XPO6: variants seen among roughly 807,000 people sequenced by gnomAD.
The protein encoded by XPO6 is exportin 6, also known as exportin-6.
In XPO6, 3 loss-of-function variants were observed where a neutral mutation model predicts 130.0. The ratio of observed to expected loss-of-function variants is 0.02; its 90% CI spans 0.01 to 0.06. The LOEUF is 0.06. Among genes scored for constraint, XPO6 ranks in the 10% least tolerant of loss-of-function variants. The probability of loss-of-function intolerance (pLI) is 1.00; values close to 1 mark genes in which losing one functional copy is unlikely to be tolerated. For synonymous variants in XPO6, 524 were observed against 548.9 expected (o/e 0.95, Z 0.63); for missense variants, 970 against 1,393.0 (o/e 0.70, Z 4.83).
Position 28,101,089 on chromosome 16 carries a change from G to C in XPO6, c.3276+369C>G, listed in dbSNP as rs528301520. ...TCCCAAGCACCAACCATCTCAGCCT[G>C]AATGCAAGCCTGGGCACACTCCAAT... On this transcript the variant is annotated intron_variant, in intron 23 of 23. Transcript: ENST00000304658. The surrounding 1 kb of genome is among the most constrained non-coding windows in gnomAD (Gnocchi z 5.4). The C allele has an allele frequency of 5.8e-6, 2 of 343,780 alleles. No homozygotes were observed. The highest frequency in any genetic ancestry group is 4.2e-5 in the African/African-American group (2 of 47,106). The allele number at this position is 343,780 out of a possible 1,614,324, so 21.3% of individuals were successfully genotyped here.
At chr16:28,115,836 G>A (rs924059141) in intron 15 of XPO6, among the ~76,000 whole-genome samples, 3 of 152,224 alleles carry the variant, frequency 2.0e-5, no homozygotes, top group Admixed American at 6.5e-5. Context: ...TGGAGAACTT[G>A]CTGCAGCTTC....
Position 28,098,642 on chromosome 16 carries a change from G to A in XPO6, c.3277-3C>T, listed in dbSNP as rs2086585509. 1 of 1,606,962 alleles carries A rather than the reference G, an allele frequency of 6.2e-7. No homozygotes were observed. The highest frequency in any genetic ancestry group is 8.5e-7 in the Non-Finnish European group (1 of 1,175,306). On this transcript the variant is annotated splice_polypyrimidine_tract_variant and splice_region_variant and intron_variant, in intron 23 of 23. Transcript: ENST00000304658. ...TTCTGGGTGAATGAGGGCAGGTCCT[G>A]GAAGGCAGGGGCATAGCTGCAGCCA...
At chr16:28,105,078 T>C (rs1268722230) in intron 20 of XPO6, among the ~76,000 whole-genome samples, 1 of 152,234 alleles carries the variant, frequency 6.6e-6, no homozygotes, top group Non-Finnish European at 1.5e-5. Flanking sequence ...TCCTGTTCTA[T>C]TCGACCTGTC....
intron 8 of XPO6, among the ~76,000 whole-genome samples, chr16:28,150,253 G>A (rs1012840871): frequency 6.6e-6 from 1 of 152,186 alleles, no homozygotes; most frequent in Admixed American, 6.5e-5. Flanking sequence ...AGAGCAGAAA[G>A]GAGCTCATCT....
intron 14 of XPO6, among the ~76,000 whole-genome samples, chr16:28,117,754 G>A (rs2087106474): frequency 2.6e-5 from 4 of 152,162 alleles, no homozygotes; most frequent in African/African-American, 9.7e-5. Flanking sequence ...AATTATAAAA[G>A]CAAAATCAAA....
At chr16:28,155,532 A>G (rs2043170416) in intron 7 of XPO6, 1 of 152,960 alleles carries the variant, frequency 6.5e-6, no homozygotes, top group Non-Finnish European at 1.5e-5. Context: ...TGTGTGCTAC[A>G]TTAACCTGTG....
intron 4 of XPO6, among the ~76,000 whole-genome samples, chr16:28,174,479 C>A (rs74014237): frequency 0.054 from 8,255 of 152,216 alleles, 571 homozygotes; most frequent in East Asian, 0.17. Flanking sequence ...TCCAGGAAGG[C>A]AGGGACTTGG....
At chr16:28,120,173 AAAT>A (rs57216440) in intron 14 of XPO6, among the ~76,000 whole-genome samples, 110 of 152,230 alleles carry the variant, frequency 7.2e-4, no homozygotes, top group African/African-American at 2.3e-3. Flanking sequence ...TGGCTCAGCA[AAAT>A]AATAATAATA....
rs1165812385 is a variant in XPO6 at position 28,106,460 on chromosome 16, C to G, written c.2535G>C (p.Leu845=). 6.2e-7 allele frequency: 1 copy of G among 1,614,224 alleles called. No individual in the cohort carries two copies. The highest frequency in any genetic ancestry group is 2.2e-5 in the East Asian group (1 of 44,888). ...CCATCTGTACTCTAAGGCCTCGAAA[C>G]AGAGTGAGGAAGAAGCTCAGCATCT... The part of the protein sequence containing the change: ...TDEMLSFFLT[L]FRGLRVQMGV... The change falls in exon 19 of 24, where the codon CTG becomes CTC. Residue 845 remains leucine (L), a synonymous_variant. Coordinates refer to ENST00000304658, the MANE Select transcript of XPO6 (RefSeq NM_015171.4). The surrounding 1 kb of genome is among the most constrained non-coding windows in gnomAD (Gnocchi z 4.2).
At chr16:28,188,648 C>T (rs1004349193) in intron 1 of XPO6, among the ~76,000 whole-genome samples, 8 of 135,180 alleles carry the variant, frequency 5.9e-5, no homozygotes, top group African/African-American at 2.2e-4. Flanking sequence ...ATCACTCTCA[C>T]TTCCCTACAC....
intron 9 of XPO6, 61 bp from the exon 10 acceptor site, chr16:28,135,385 G>A (rs1596849079): frequency 7.4e-7 from 1 of 1,349,822 alleles, no homozygotes; most frequent in Non-Finnish European, 1.1e-6. Flanking sequence ...TTTGGAAAAT[G>A]CCTCCTGCAC....
chr16:28,153,638 G>C lies in XPO6; in HGVS notation c.1098-853C>G, dbSNP rs993751217. 33 of 985,242 alleles carry C rather than the reference G, an allele frequency of 3.3e-5. 1 individual carries two copies. In the Admixed American group the frequency reaches 1.8e-3, roughly 53 times the overall value. 61.0% of individuals were successfully genotyped at this position (985,242 alleles called of 1,614,324 possible). ...TCATCACTCTCACATTTCAGAAACT[G>C]TCATTTTAAGCCCCTAAATACCAAA... On this transcript the variant is annotated intron_variant, in intron 7 of 23. Transcript: ENST00000304658.
chr16:28,141,649 C>A (rs934872602), intron 9 of XPO6, among the ~76,000 whole-genome samples: 2 of 152,198 alleles, frequency 1.3e-5, no homozygotes, highest in Non-Finnish European at 2.9e-5. Context: ...AACACTGGGG[C>A]TCAGGCTCTC....
chr16:28,153,983 A>G (rs908283046), intron 7 of XPO6: 39 of 985,242 alleles, frequency 4.0e-5, no homozygotes, highest in Non-Finnish European at 4.5e-5. Flanking sequence ...TTTAAAAAAT[A>G]CATATTAATT....
chr16:28,189,703 C>G (rs1286801951), intron 1 of XPO6, among the ~76,000 whole-genome samples: 2 of 152,140 alleles, frequency 1.3e-5, no homozygotes, highest in African/African-American at 2.4e-5. Flanking sequence ...CAAAGTCATC[C>G]CCTCGCATGA....
intron 8 of XPO6, 38 bp from the exon 9 acceptor site, chr16:28,146,241 A>C: frequency 7.2e-7 from 1 of 1,387,196 alleles, no homozygotes; most frequent in East Asian, 2.3e-5. Context: ...GAAATTATTT[A>C]ATGCTACTAT....
chr16:28,129,180 C>T (rs1000889818), intron 12 of XPO6, among the ~76,000 whole-genome samples: 1 of 152,214 alleles, frequency 6.6e-6, no homozygotes, highest in African/African-American at 2.4e-5. Flanking sequence ...ATCAAAAGTA[C>T]AGCTGGTTCT....
At chr16:28,210,936 T>A (rs2044119120) in intron 1 of XPO6, among the ~76,000 whole-genome samples, 1 of 152,206 alleles carries the variant, frequency 6.6e-6, no homozygotes, top group Non-Finnish European at 1.5e-5. Context: ...CTTAACACTG[T>A]TAAAAAGTCG....
chr16:28,175,944 T>C lies in XPO6; in HGVS notation c.359A>G (p.Gln120Arg), dbSNP rs1258015701. The part of the protein sequence containing the change: ...LCKVIVDIGR[Q>R]DWPMFYHDFF... ...GTCGTGGTAGAACATGGGCCAATCC[T>C]GACGTCCAATATCAACAATAACTTT... Residue 120 changes from glutamine to arginine, a missense_variant, in exon 4 of 24, where the codon CAG (glutamine) becomes CGG (arginine). Physicochemically the swap from Gln to Arg is conservative, Grantham distance 43 (BLOSUM62 1). This residue lies in a region of XPO6 where 936 missense variants were observed against 1,306.8 expected (regional missense o/e 0.72). Coordinates refer to ENST00000304658, the MANE Select transcript of XPO6 (RefSeq NM_015171.4). The C allele has an allele frequency of 9.9e-6, 16 of 1,614,224 alleles. No individual in the cohort carries two copies. The highest frequency in any genetic ancestry group is 1.3e-5 in the Non-Finnish European group (15 of 1,180,040).
Sources: allele counts gnomAD v4.1 joint callset (sites outside exome capture counted in the v4.1 genomes callset), GRCh38; gene constraint gnomAD v4.1.1; regional missense constraint gnomAD v4.1.1; non-coding constraint Gnocchi (gnomAD v3.1); transcripts MANE v1.5; gene names NCBI Gene and HGNC (gene_info 2026-07-23, HGNC 2026-07-21).